Variants in OSTM1 observed in about 807,000 individuals in gnomAD.
The protein encoded by OSTM1 is osteopetrosis-associated transmembrane protein 1.
OSTM1 carries 26 observed loss-of-function variants against 35.4 expected under a neutral mutation model. That is an observed-to-expected ratio of 0.73 (90% CI 0.54 to 1.02). The LOEUF (loss-of-function observed/expected upper bound fraction) is 1.02. OSTM1 is among the 50% of genes least tolerant of loss of function. OSTM1 has a pLI of 0.00. For missense variants in OSTM1, 366 were observed against 409.6 expected (o/e 0.89, Z 0.92); for synonymous variants, 181 against 165.0 (o/e 1.10, Z -0.75).
chr6:108,051,119 C>G lies in OSTM1; in HGVS notation c.695G>C (p.Ser232Thr). 6.2e-7 allele frequency: 1 copy of G among 1,613,498 alleles called. No homozygotes were observed. Among genetic ancestry groups the G allele is most frequent in the South Asian group, 1.1e-5 (1 of 91,072 alleles). The change falls in exon 4 of 6, where the codon AGT becomes ACT. Residue 232 changes from serine to threonine, a missense_variant. By Grantham distance (58) the Ser-to-Thr change is moderately conservative (BLOSUM62 1). Transcript: ENST00000193322. Reference sequence around the variant, plus strand: ...TTTTTGCATTTCACTGTACAGACTACTCAGAGTTTTGTATGCTTCACGGCA... The same window carrying G: ...TTTTTGCATTTCACTGTACAGACTAGTCAGAGTTTTGTATGCTTCACGGCA... ...KNCREAYKTL[S>T]SLYSEMQKMN... is the part of the protein sequence containing the mutation.
chr6:108,065,457 C>T (rs1354898254), intron 1 of OSTM1, among the ~76,000 whole-genome samples: 2 of 148,626 alleles, frequency 1.3e-5, no homozygotes, highest in Non-Finnish European at 3.0e-5. Context: ...TGACTGGTCT[C>T]GAACTCCTGA....
intron 5 of OSTM1, among the ~76,000 whole-genome samples, chr6:108,046,381 G>A (rs528074265): frequency 5.3e-4 from 72 of 136,286 alleles, no homozygotes; most frequent in Admixed American, 1.6e-3. Context: ...TCACTCTGTC[G>A]CCCAGGCTGG....
chr6:108,066,630 T>C (rs746068874), intron 1 of OSTM1, among the ~76,000 whole-genome samples: 1 of 152,038 alleles, frequency 6.6e-6, no homozygotes, highest in African/African-American at 2.4e-5. Context: ...AGTCCTTGAG[T>C]GTGAAAGTGA....
chr6:108,068,104 A>G (rs962785672), intron 1 of OSTM1, among the ~76,000 whole-genome samples: 2 of 152,190 alleles, frequency 1.3e-5, no homozygotes, highest in Non-Finnish European at 2.9e-5. Flanking sequence ...TCTCAGCAGG[A>G]TTTGACACAA....
intron 2 of OSTM1, among the ~76,000 whole-genome samples, chr6:108,061,552 G>T (rs1772271633): frequency 6.6e-6 from 1 of 151,566 alleles, no homozygotes. Context: ...TTAAGACAGG[G>T]TCTTGCTCTG....
chr6:108,052,674 C>T (rs1199189442), intron 3 of OSTM1, among the ~76,000 whole-genome samples: 1 of 151,960 alleles, frequency 6.6e-6, no homozygotes, highest in Admixed American at 6.6e-5. Context: ...ATTTAAAATG[C>T]ACATATCTTT....
At chr6:108,049,620 C>T in intron 4 of OSTM1, 1 of 1,287,258 alleles carries the variant, frequency 7.8e-7, no homozygotes, top group East Asian at 2.8e-5. Flanking sequence ...AATTTATATC[C>T]ATACAGAAAT....
At chr6:108,072,947 T>C (rs953615566) in intron 1 of OSTM1, among the ~76,000 whole-genome samples, 1 of 152,086 alleles carries the variant, frequency 6.6e-6, no homozygotes, top group Non-Finnish European at 1.5e-5. Flanking sequence ...CAGCTGGGAC[T>C]ACAGGCACGT....
chr6:108,049,163 G>T, intron 5 of OSTM1, 90 bp downstream of exon 5: 1 of 828,434 alleles, frequency 1.2e-6, no homozygotes, highest in Non-Finnish European at 2.0e-6. Flanking sequence ...TCTACTTTGA[G>T]TTCTCAGAGT....
At chr6:108,045,547 T>C (rs1771952441) in intron 5 of OSTM1, among the ~76,000 whole-genome samples, 2 of 148,420 alleles carry the variant, frequency 1.3e-5, no homozygotes, top group African/African-American at 5.0e-5. Context: ...GAAAAGTGAG[T>C]TGTATATTAT....
Position 108,048,006 on chromosome 6 carries a change from G to C in OSTM1, c.949+1247C>G, listed in dbSNP as rs553843729. Among the ~76,000 whole-genome samples, 164 of 152,310 alleles carry C rather than the reference G, an allele frequency of 1.1e-3. 1 individual carries two copies. Among genetic ancestry groups the C allele is most frequent in the African/African-American group, 3.7e-3 (154 of 41,564 alleles). On this transcript the variant is annotated intron_variant, in intron 5 of 5. Transcript: ENST00000193322. ...CTAAGTAAGTGCTTTAAGGACCTGA[G>C]CTACTGCATATTTACAGAATGCTGG...
At chr6:108,067,530 G>GA (rs777291876) in intron 1 of OSTM1, among the ~76,000 whole-genome samples, 14 of 151,994 alleles carry the variant, frequency 9.2e-5, no homozygotes, top group Non-Finnish European at 1.8e-4. Flanking sequence ...CAGGGGAATG[G>GA]AAAGAAATGA....
chr6:108,052,432 CAAAA>C (rs1174266231), intron 3 of OSTM1, among the ~76,000 whole-genome samples: 1 of 66,290 alleles, frequency 1.5e-5, no homozygotes. Flanking sequence ...GACTCCGTCT[CAAAA>C]AAAAAAAAAA....
chr6:108,048,559 T>G (rs1250579141), intron 5 of OSTM1, among the ~76,000 whole-genome samples: 1 of 152,150 alleles, frequency 6.6e-6, no homozygotes, highest in Non-Finnish European at 1.5e-5. Flanking sequence ...TCAGCTATAG[T>G]TTCTTCCTGC....
rs552266118 is a variant in OSTM1 at position 108,060,461 on chromosome 6, C to G, written c.517+3724G>C. Among the ~76,000 whole-genome samples, 53 of 152,268 alleles carry G rather than the reference C, an allele frequency of 3.5e-4. No individual in the cohort carries two copies. In the South Asian group the frequency reaches 0.011, roughly 32 times the overall value. On this transcript the variant is annotated intron_variant, in intron 2 of 5. Coordinates refer to ENST00000193322, the MANE Select transcript of OSTM1 (RefSeq NM_014028.4). Reference sequence around the variant, plus strand: ...AGCCAGGCACAGTGGCTCACACTTTCAATCTCAGCACTTTGGGAGGCCAAG... The same window carrying G: ...AGCCAGGCACAGTGGCTCACACTTTGAATCTCAGCACTTTGGGAGGCCAAG...
chr6:108,062,979 C>T (rs1039664357), intron 2 of OSTM1, among the ~76,000 whole-genome samples: 1 of 33,792 alleles, frequency 3.0e-5, no homozygotes, highest in South Asian at 1.5e-3. Flanking sequence ...CCTTTTATAC[C>T]TCTGTGACTA....
chr6:108,072,488 T>G (rs1346367178), intron 1 of OSTM1, among the ~76,000 whole-genome samples: 1 of 151,714 alleles, frequency 6.6e-6, no homozygotes. Context: ...CAATAATTAG[T>G]TAGGTGTGGC....
intron 2 of OSTM1, among the ~76,000 whole-genome samples, chr6:108,056,184 T>TA (rs573167554): frequency 7.2e-4 from 109 of 152,360 alleles, no homozygotes; most frequent in Middle Eastern, 6.8e-3. Flanking sequence ...CACTGCACTT[T>TA]AAACACATTT....
rs1175789015 is a variant in OSTM1 at position 108,044,854 on chromosome 6, A to G, written c.950-14T>C. On this transcript the variant is annotated splice_polypyrimidine_tract_variant and intron_variant, in intron 5 of 5. Coordinates refer to ENST00000193322, the MANE Select transcript of OSTM1 (RefSeq NM_014028.4). ...TGAGACGTTTGGCTAGATAAATCAA[A>G]AGAATTATATTTTAATTTAAATTTA... is the stretch of plus-strand genomic sequence containing the variant. 7.0e-7 allele frequency: 1 copy of G among 1,422,542 alleles called. No homozygotes were observed. The highest frequency in any genetic ancestry group is 9.7e-7 in the Non-Finnish European group (1 of 1,026,010). 88.1% of individuals were successfully genotyped at this position (1,422,542 alleles called of 1,614,324 possible). A position where few individuals can be genotyped will look rare whatever the true frequency, so the allele number is the denominator to read the frequency against.
Sources: gnomAD v4.1 joint callset for allele counts (sites outside exome capture counted in the v4.1 genomes callset) on GRCh38, gnomAD v4.1.1 for gene constraint, MANE v1.5 for transcripts, NCBI Gene and HGNC (gene_info 2026-07-23, HGNC 2026-07-21) for gene names.